LIN52: variants seen among roughly 807,000 people sequenced by gnomAD.
The protein encoded by LIN52 is lin-52 DREAM MuvB core complex component, also known as protein lin-52 homolog.
In LIN52, 4 loss-of-function variants were observed where a neutral mutation model predicts 18.5. That is an observed-to-expected ratio of 0.22 (90% CI 0.11 to 0.49). The LOEUF (loss-of-function observed/expected upper bound fraction) is 0.49, where lower values mean the gene tolerates loss of function less well. Ranked by LOEUF, LIN52 falls within the 20% of genes least tolerant of loss-of-function variation. LIN52 has a pLI of 0.97. For missense variants in LIN52, 102 were observed against 139.5 expected, an observed-to-expected ratio of 0.73 and a Z score of 1.35; for synonymous variants, 34 against 45.5, an observed-to-expected ratio of 0.75 and a Z score of 1.02.
chr14:74,139,886 T>G (rs1454205300), intron 5 of LIN52, among the ~76,000 whole-genome samples: 1 of 152,218 alleles, frequency 6.6e-6, no homozygotes, highest in African/African-American at 2.4e-5. Flanking sequence ...GATTGAATTA[T>G]TTCTGAAGCC....
chr14:74,177,777 G>C (rs547901423), intron 5 of LIN52, among the ~76,000 whole-genome samples: 126 of 152,112 alleles, frequency 8.3e-4, no homozygotes, highest in African/African-American at 2.9e-3. Flanking sequence ...TATTTTGTTT[G>C]TTGGTTTATT....
At chr14:74,118,867 A>G (rs974280938) in intron 5 of LIN52, among the ~76,000 whole-genome samples, 2 of 152,182 alleles carry the variant, frequency 1.3e-5, no homozygotes, top group African/African-American at 4.8e-5. Flanking sequence ...CATTACTGTG[A>G]CTTATACTAT....
chr14:74,121,686 A>C (rs2061000271), intron 5 of LIN52, among the ~76,000 whole-genome samples: 1 of 152,068 alleles, frequency 6.6e-6, no homozygotes, highest in East Asian at 1.9e-4. Flanking sequence ...AATCAAGAAA[A>C]CAGTGAGTTA....
chr14:74,090,018 CTTT>C (rs34660535), intron 1 of LIN52, among the ~76,000 whole-genome samples: 3 of 125,848 alleles, frequency 2.4e-5, no homozygotes, highest in Non-Finnish European at 4.9e-5. Flanking sequence ...ACAGTGCACT[CTTT>C]TTTTTTTTTT....
At chr14:74,170,389 G>A (rs1356254140) in intron 5 of LIN52, among the ~76,000 whole-genome samples, 1 of 151,976 alleles carries the variant, frequency 6.6e-6, no homozygotes, top group East Asian at 1.9e-4. Flanking sequence ...TCTTCTATAG[G>A]TTCTTAAGCA....
chr14:74,116,789 A>AGCAAGTGACAAAATGCAGAACAT (rs1302807517), intron 5 of LIN52, among the ~76,000 whole-genome samples: 119 of 151,540 alleles, frequency 7.9e-4, no homozygotes, highest in Non-Finnish European at 1.3e-3. Context: ...TAAGGATAAT[A>AGCAAGTGACAAAATGCAGAACAT]GCAAGTGACA....
Position 74,200,864 on chromosome 14 carries a change from T to C in LIN52, c.*1887T>C, listed in dbSNP as rs1462039258. On this transcript the variant is annotated 3_prime_UTR_variant, in exon 6 of 6. Transcript: ENST00000555028. Reference sequence around the variant, plus strand: ...AAAAAATAGTGCCATAATGTCAAATTCTTCCTTTGCTCTGTTTTTGAGAGT... The same window carrying C: ...AAAAAATAGTGCCATAATGTCAAATCCTTCCTTTGCTCTGTTTTTGAGAGT... 6.6e-6 allele frequency: 1 copy of C among 152,182 alleles called. No homozygotes were observed. The highest frequency in any genetic ancestry group is 1.5e-5 in the Non-Finnish European group (1 of 68,036). 9.4% of individuals were successfully genotyped at this position (152,182 alleles called of 1,614,324 possible).
chr14:74,177,560 A>T (rs2061299499), intron 5 of LIN52, among the ~76,000 whole-genome samples: 1 of 152,176 alleles, frequency 6.6e-6, no homozygotes, highest in South Asian at 2.1e-4. Context: ...AGAAACTGTG[A>T]CTTAGTAAGC....
chr14:74,193,476 G>A (rs545691769), intron 5 of LIN52, among the ~76,000 whole-genome samples: 12 of 151,684 alleles, frequency 7.9e-5, no homozygotes, highest in Admixed American at 1.3e-4. Context: ...TGTTTTTCAC[G>A]TGTCATTCTA....
intron 5 of LIN52, among the ~76,000 whole-genome samples, chr14:74,112,535 A>G (rs935766982): frequency 6.6e-6 from 1 of 152,216 alleles, no homozygotes; most frequent in Non-Finnish European, 1.5e-5. Flanking sequence ...CCAGTGACTT[A>G]TCTTGTATCC....
intron 5 of LIN52, among the ~76,000 whole-genome samples, chr14:74,127,039 G>A (rs1317970770): frequency 6.6e-6 from 1 of 152,158 alleles, no homozygotes; most frequent in African/African-American, 2.4e-5. Context: ...TGGAATAGAA[G>A]ACCTCTAAGG....
chr14:74,112,887 C>T (rs1184248744), intron 5 of LIN52, among the ~76,000 whole-genome samples: 3 of 151,878 alleles, frequency 2.0e-5, no homozygotes, highest in Non-Finnish European at 2.9e-5. Flanking sequence ...TATGAGAGTA[C>T]AAAGAACTAT....
intron 2 of LIN52, among the ~76,000 whole-genome samples, chr14:74,094,715 C>A (rs1057068258): frequency 4.6e-5 from 7 of 151,192 alleles, no homozygotes; most frequent in Non-Finnish European, 7.4e-5. Context: ...TTTACATTTC[C>A]TTTTTGGTGA....
Position 74,114,944 on chromosome 14 carries a change from A to G in LIN52, c.283+13706A>G, listed in dbSNP as rs537678183. Among the ~76,000 whole-genome samples, 5 of 152,250 alleles carry G rather than the reference A, an allele frequency of 3.3e-5. No homozygotes were observed. In the East Asian group the frequency reaches 5.8e-4, roughly 18 times the overall value. On this transcript the variant is annotated intron_variant, in intron 5 of 5. Transcript: ENST00000555028. The stretch of plus-strand genomic sequence containing the variant: ...ATAGTGCTTTTTCTTTCGGTTCCCT[A>G]CCTATGAACTTTTCCTGAACTTTCC...
chr14:74,104,188 C>T lies in LIN52; in HGVS notation c.283+2950C>T, dbSNP rs569195928. On this transcript the variant is annotated intron_variant, in intron 5 of 5. Coordinates refer to ENST00000555028, the MANE Select transcript of LIN52 (RefSeq NM_001024674.3). The stretch of plus-strand genomic sequence containing the variant: ...CCAGGATTACAGGAGTGAGCCACTG[C>T]GCCCAGCTGGCTACTGTTATTTTTT... 2.6e-3 allele frequency among the ~76,000 whole-genome samples: 391 copies of T among 152,164 alleles called. 2 individuals are homozygous for T. Among genetic ancestry groups the T allele is most frequent in the Middle Eastern group, 0.01 (3 of 294 alleles).
At chr14:74,173,999 A>G (rs2139577564) in intron 5 of LIN52, among the ~76,000 whole-genome samples, 1 of 152,314 alleles carries the variant, frequency 6.6e-6, no homozygotes, top group African/African-American at 2.4e-5. Context: ...TTCTGTTGCC[A>G]TAGATCTCCT....
intron 5 of LIN52, among the ~76,000 whole-genome samples, chr14:74,126,142 G>C (rs984970536): frequency 3.3e-5 from 5 of 151,842 alleles, no homozygotes; most frequent in South Asian, 2.1e-4. Context: ...ATCATTAGTC[G>C]TTAGGGAAAT....
chr14:74,086,767 T>C (rs545102841), intron 1 of LIN52, among the ~76,000 whole-genome samples: 1 of 152,252 alleles, frequency 6.6e-6, no homozygotes, highest in African/African-American at 2.4e-5. Flanking sequence ...AAGAAGGGCA[T>C]TTAAAAAGTC....
chr14:74,089,463 G>A (rs1319360805), intron 1 of LIN52, among the ~76,000 whole-genome samples: 1 of 151,724 alleles, frequency 6.6e-6, no homozygotes, highest in Non-Finnish European at 1.5e-5. Flanking sequence ...CCACCTCTGG[G>A]CTCAAGCCAT....
Sources: gnomAD v4.1 joint callset for allele counts (sites outside exome capture counted in the v4.1 genomes callset) on GRCh38, gnomAD v4.1.1 for gene constraint, MANE v1.5 for transcripts, NCBI Gene and HGNC (gene_info 2026-07-23, HGNC 2026-07-21) for gene names.